The following MYO5B variants were observed in gnomAD, a reference collection of about 807,000 sequenced individuals.
The protein encoded by MYO5B is unconventional myosin-Vb.
A neutral mutation model predicts 229.3 loss-of-function variants in MYO5B; 143 were observed. The ratio of observed to expected loss-of-function variants is 0.62; its 90% CI spans 0.54 to 0.72. MYO5B has a LOEUF of 0.72. Ranked by LOEUF, MYO5B falls within the 30% of genes least tolerant of loss-of-function variation. The pLI, the probability that MYO5B is intolerant of heterozygous loss-of-function variation, is 0.00. For synonymous variants in MYO5B, 918 were observed against 885.2 expected (o/e 1.04, Z -0.66); for missense variants, 2,321 against 2,331.0 (o/e 1.00, Z 0.09).
chr18:49,970,636 T>C (rs1158763212), intron 10 of MYO5B, among the ~76,000 whole-genome samples: 4 of 152,168 alleles, frequency 2.6e-5, no homozygotes, highest in Non-Finnish European at 4.4e-5. Flanking sequence ...AACACATTTA[T>C]AGGAAAAAGT....
chr18:49,945,541 C>T (rs576510895), intron 14 of MYO5B, among the ~76,000 whole-genome samples: 3 of 152,200 alleles, frequency 2.0e-5, no homozygotes, highest in South Asian at 2.1e-4. Context: ...TCACCGAAAG[C>T]GTGAGGGCAT....
chr18:49,858,662 T>C (rs935836803), intron 29 of MYO5B, among the ~76,000 whole-genome samples: 2 of 152,232 alleles, frequency 1.3e-5, no homozygotes, highest in African/African-American at 4.8e-5. Context: ...GATTAATGAA[T>C]GCCCAGGCCA....
intron 1 of MYO5B, among the ~76,000 whole-genome samples, chr18:50,140,826 A>G (rs2032406490): frequency 6.6e-6 from 1 of 152,238 alleles, no homozygotes; most frequent in East Asian, 1.9e-4. Flanking sequence ...ACTGATTAAA[A>G]GCTGTTGTAC....
Position 50,113,459 on chromosome 18 carries a change from G to A in MYO5B, c.28-58081C>T, listed in dbSNP as rs116740714. Among the ~76,000 whole-genome samples the A allele has an allele frequency of 3.0e-3, 464 of 152,302 alleles. 2 individuals carry two copies. The highest frequency in any genetic ancestry group is 0.011 in the African/African-American group (437 of 41,554). On this transcript the variant is annotated intron_variant, in intron 1 of 39. Transcript: ENST00000285039. ...GTGTTAAGATGGGGGACAACTGAAC[G>A]TTAGAGAAAACACATTGCTGGACCA...
At chr18:49,855,745 C>G (rs2144064727) in intron 30 of MYO5B, among the ~76,000 whole-genome samples, 1 of 152,336 alleles carries the variant, frequency 6.6e-6, no homozygotes, top group East Asian at 1.9e-4. Flanking sequence ...CATCTGAACC[C>G]AGAGAAACAC....
At chr18:49,868,750 C>T (rs2024425401) in intron 27 of MYO5B, among the ~76,000 whole-genome samples, 1 of 152,164 alleles carries the variant, frequency 6.6e-6, no homozygotes, top group Non-Finnish European at 1.5e-5. Context: ...GCAGGGAGAC[C>T]CATCTTCCAT....
intron 1 of MYO5B, among the ~76,000 whole-genome samples, chr18:50,071,506 T>C (rs1243465869): frequency 3.9e-5 from 6 of 152,198 alleles, no homozygotes; most frequent in South Asian, 2.1e-4. Context: ...CAAGAAGCTA[T>C]GGCCTCTCTC....
chr18:50,118,721 T>A (rs2144527709), intron 1 of MYO5B, among the ~76,000 whole-genome samples: 1 of 149,628 alleles, frequency 6.7e-6, no homozygotes, highest in Admixed American at 6.7e-5. Context: ...GCCTCCAGGG[T>A]TCACGCCATT....
At chr18:50,048,631 C>G (rs554194770) in intron 2 of MYO5B, among the ~76,000 whole-genome samples, 32 of 152,280 alleles carry the variant, frequency 2.1e-4, no homozygotes, top group South Asian at 1.5e-3. Context: ...AAGGGAGCTA[C>G]GAACCATGGC....
intron 1 of MYO5B, among the ~76,000 whole-genome samples, chr18:50,147,163 C>T (rs142108834): frequency 6.4e-4 from 98 of 152,296 alleles, no homozygotes; most frequent in Middle Eastern, 3.4e-3. Flanking sequence ...GCCAACCCTA[C>T]CCTGTTCCAC....
intron 22 of MYO5B, among the ~76,000 whole-genome samples, chr18:49,894,723 C>A (rs1338366494): frequency 6.6e-6 from 1 of 152,242 alleles, no homozygotes; most frequent in Non-Finnish European, 1.5e-5. Flanking sequence ...CCAGGGGATG[C>A]CATAGTGTCC....
chr18:49,899,220 G>C (rs951270948), intron 21 of MYO5B, among the ~76,000 whole-genome samples: 1 of 152,044 alleles, frequency 6.6e-6, no homozygotes. Flanking sequence ...TGTGACCAGA[G>C]GACCACTGCC....
chr18:50,097,193 T>TC (rs1209671144), intron 1 of MYO5B: 13 of 454,830 alleles, frequency 2.9e-5, no homozygotes, highest in African/African-American at 6.0e-5. Flanking sequence ...CCATCCCCAT[T>TC]CCCCACAGAT....
chr18:50,024,514 A>G (rs2026310201), intron 4 of MYO5B, among the ~76,000 whole-genome samples: 1 of 152,234 alleles, frequency 6.6e-6, no homozygotes, highest in African/African-American at 2.4e-5. Flanking sequence ...TCTTTTTAAA[A>G]GCAAGTCATC....
chr18:50,107,138 T>G, intron 1 of MYO5B, among the ~76,000 whole-genome samples: 1 of 121,456 alleles, frequency 8.2e-6, no homozygotes, highest in African/African-American at 3.7e-5. Flanking sequence ...TTTTTTTTTT[T>G]TGAGACAGTC....
intron 4 of MYO5B, among the ~76,000 whole-genome samples, chr18:50,006,685 C>T (rs1367126331): frequency 6.6e-6 from 1 of 152,122 alleles, no homozygotes; most frequent in Non-Finnish European, 1.5e-5. Context: ...CACTGCAGTG[C>T]TTTAGGCTGA....
intron 16 of MYO5B, among the ~76,000 whole-genome samples, chr18:49,932,349 C>T (rs1479412093): frequency 6.6e-6 from 1 of 152,196 alleles, no homozygotes; most frequent in East Asian, 1.9e-4. Context: ...CTCCACACAG[C>T]GTGCCTGGAG....
chr18:50,063,261 T>C (rs112306361), intron 1 of MYO5B, among the ~76,000 whole-genome samples: 3 of 152,178 alleles, frequency 2.0e-5, no homozygotes, highest in African/African-American at 7.2e-5. Context: ...TCCATTAAAG[T>C]CTTCCTGAAC....
chr18:50,083,848 GCATGCCATCCCAGTC>G (rs1284695758), intron 1 of MYO5B, among the ~76,000 whole-genome samples: 2 of 152,072 alleles, frequency 1.3e-5, no homozygotes, highest in African/African-American at 4.8e-5. Flanking sequence ...TCACCCCCAG[GCATGCCATCCCAGTC>G]CACCCCAAGG....
Sources: allele counts gnomAD v4.1 joint callset (sites outside exome capture counted in the v4.1 genomes callset), GRCh38; gene constraint gnomAD v4.1.1; transcripts MANE v1.5; gene names NCBI Gene and HGNC (gene_info 2026-07-23, HGNC 2026-07-21).